The following PDE10A variants were observed in gnomAD, a reference collection of about 807,000 sequenced individuals.
PDE10A encodes phosphodiesterase 10A, also known as cAMP and cAMP-inhibited cGMP 3',5'-cyclic phosphodiesterase 10A.
PDE10A carries 39 observed loss-of-function variants against 97.7 expected under a neutral mutation model. The observed-to-expected ratio is 0.40, with a 90% CI of 0.31 to 0.52. PDE10A has a LOEUF of 0.52. Ranked by LOEUF, PDE10A falls within the 20% of genes least tolerant of loss-of-function variation. The pLI, the probability that PDE10A is intolerant of heterozygous loss-of-function variation, is 0.56. For missense variants in PDE10A, 731 were observed against 1,047.8 expected (o/e 0.70, Z 4.17); for synonymous variants, 371 against 376.8 (o/e 0.98, Z 0.18).
rs76382093 is a variant in PDE10A, at chr6:165,723,817, G to T, written c.-614-180249C>A. Among the ~76,000 whole-genome samples the T allele has an allele frequency of 8.8e-3, 1,341 of 151,696 alleles. 17 individuals carry two copies. Among genetic ancestry groups the T allele is most frequent in the African/African-American group, 0.03 (1,254 of 41,296 alleles). On this transcript the variant is annotated intron_variant, in intron 1 of 19. Transcript: ENST00000366882. ...TAAACATTTTAAAGCCATTTGGGAG[G>T]TATGGGAACAAACGAGAAATAAGAT...
chr6:165,725,036 C>T lies in PDE10A; in HGVS notation c.-614-181468G>A, dbSNP rs185311468. Among the ~76,000 whole-genome samples, 4 of 152,278 alleles carry T rather than the reference C, an allele frequency of 2.6e-5. No homozygotes were observed. The East Asian group carries it at 5.8e-4, about 22-fold the overall frequency. On this transcript the variant is annotated intron_variant, in intron 1 of 19. Coordinates refer to the PDE10A transcript ENST00000366882. ...ATTTCTGTTTTCAGAACGATGTGGA[C>T]GCCGAGGGAAATTTGGCTGAGGGTG...
intron 18 of PDE10A, among the ~76,000 whole-genome samples, chr6:165,373,608 T>C (rs1003582576): frequency 1.3e-4 from 20 of 151,978 alleles, no homozygotes; most frequent in Non-Finnish European, 2.5e-4. Context: ...TATGGAGAAA[T>C]AGGAACACTT....
intron 1 of PDE10A, among the ~76,000 whole-genome samples, chr6:165,742,874 G>A (rs1792760473): frequency 6.6e-6 from 1 of 152,192 alleles, no homozygotes; most frequent in South Asian, 2.1e-4. Context: ...CTGCCCGCTT[G>A]CGTTGTCCAT....
chr6:165,688,486 C>A (rs1026978391), intron 1 of PDE10A, among the ~76,000 whole-genome samples: 38 of 152,176 alleles, frequency 2.5e-4, no homozygotes, highest in Non-Finnish European at 1.0e-4. Flanking sequence ...GGACTTGAAG[C>A]CAGAGTAGGA....
Position 165,819,757 on chromosome 6 carries a change from A to G in PDE10A, c.-615+167772T>C, listed in dbSNP as rs1451370060. Reference sequence around the variant, plus strand: ...GAGCACATTCCGGCCAGGATCTGAAACCTACTGCAGTGCCTACAACAGTGC... The same window carrying G: ...GAGCACATTCCGGCCAGGATCTGAAGCCTACTGCAGTGCCTACAACAGTGC... On this transcript the variant is annotated intron_variant, in intron 1 of 19. Transcript: ENST00000366882. This position sits in a 1 kb window ranked among gnomAD's most constrained non-coding sequence, Gnocchi z 4.2. Among the ~76,000 whole-genome samples, 2 of 152,168 alleles carry G rather than the reference A, an allele frequency of 1.3e-5. No individual in the cohort carries two copies. The highest frequency in any genetic ancestry group is 4.8e-5 in the African/African-American group (2 of 41,440).
chr6:165,641,827 A>G (rs1311798893), intron 1 of PDE10A, among the ~76,000 whole-genome samples: 3 of 152,202 alleles, frequency 2.0e-5, no homozygotes, highest in African/African-American at 7.2e-5. Flanking sequence ...ATAGAAAGCA[A>G]TCTTTGAAAC....
At position 165,526,861 on chromosome 6, in the gene PDE10A, G is replaced by A. The variant is rs115706869; in HGVS notation, c.994+16579C>T. The stretch of plus-strand genomic sequence containing the variant: ...AAAGCCAGCAATATACCTTTACTGT[G>A]TTACCTCAGGAGTATATCACCTCTC... On this transcript the variant is annotated intron_variant, in intron 2 of 21. Transcript: ENST00000539869. 4.9e-3 allele frequency among the ~76,000 whole-genome samples: 750 copies of A among 152,298 alleles called. 4 individuals carry two copies. Among genetic ancestry groups the A allele is most frequent in the African/African-American group, 0.017 (702 of 41,562 alleles).
chr6:165,484,764 T>C (rs1779805099), intron 2 of PDE10A, among the ~76,000 whole-genome samples: 1 of 152,214 alleles, frequency 6.6e-6, no homozygotes, highest in South Asian at 2.1e-4. Context: ...CTGCATCTGG[T>C]GGCAGCTTTA....
chr6:165,699,896 A>G (rs1791527329), intron 1 of PDE10A, among the ~76,000 whole-genome samples: 1 of 152,152 alleles, frequency 6.6e-6, no homozygotes, highest in African/African-American at 2.4e-5. Flanking sequence ...TCTCAAATCA[A>G]TAACCTAACT....
intron 1 of PDE10A, among the ~76,000 whole-genome samples, chr6:165,783,339 T>C (rs566470869): frequency 1.3e-5 from 2 of 152,342 alleles, no homozygotes; most frequent in South Asian, 2.1e-4. Flanking sequence ...TAAGATACAG[T>C]CTTTTAAAGG....
chr6:165,809,948 G>T (rs1397832191), intron 1 of PDE10A, among the ~76,000 whole-genome samples: 1 of 152,116 alleles, frequency 6.6e-6, no homozygotes, highest in East Asian at 1.9e-4. Flanking sequence ...TGATAAATTC[G>T]CTCTGTGCAA....
chr6:165,912,293 G>A (rs1378563823), intron 1 of PDE10A, among the ~76,000 whole-genome samples: 1 of 151,924 alleles, frequency 6.6e-6, no homozygotes, highest in South Asian at 2.1e-4. Context: ...GACCTCACTG[G>A]TTATGGTTCA....
chr6:165,935,343 A>C (rs2128491547), intron 1 of PDE10A, among the ~76,000 whole-genome samples: 1 of 152,376 alleles, frequency 6.6e-6, no homozygotes, highest in South Asian at 2.1e-4. Flanking sequence ...AAGAACTGGA[A>C]GTCTGTGCAC....
intron 1 of PDE10A, among the ~76,000 whole-genome samples, chr6:165,739,924 C>T (rs1437342489): frequency 6.6e-6 from 1 of 152,102 alleles, no homozygotes; most frequent in African/African-American, 2.4e-5. Context: ...TATCATCCCA[C>T]CCATTAATAG....
upstream of PDE10A, among the ~76,000 whole-genome samples, chr6:165,663,292 C>T (rs889564112): frequency 5.9e-5 from 9 of 151,978 alleles, no homozygotes; most frequent in African/African-American, 2.2e-4. Context: ...CCTTCCGCGC[C>T]CACGTAGCGC....
At chr6:165,872,268 GTT>G (rs1781224264) in intron 1 of PDE10A, among the ~76,000 whole-genome samples, 1 of 152,200 alleles carries the variant, frequency 6.6e-6, no homozygotes, top group Non-Finnish European at 1.5e-5. Context: ...CAAATAAAAC[GTT>G]TTTAAGTCAG....
intron 1 of PDE10A, among the ~76,000 whole-genome samples, chr6:165,849,247 C>T (rs1253717009): frequency 3.9e-5 from 6 of 152,104 alleles, no homozygotes; most frequent in Non-Finnish European, 5.9e-5. Flanking sequence ...ATAACACATT[C>T]GGAACTAGTA....
chr6:165,760,107 T>C (rs563640760), intron 1 of PDE10A, among the ~76,000 whole-genome samples: 1 of 152,324 alleles, frequency 6.6e-6, no homozygotes, highest in East Asian at 1.9e-4. Flanking sequence ...TCTCCAGAAA[T>C]AATTGTTTTC....
At chr6:165,687,024 G>A (rs1309632529) in intron 1 of PDE10A, among the ~76,000 whole-genome samples, 1 of 152,250 alleles carries the variant, frequency 6.6e-6, no homozygotes, top group Non-Finnish European at 1.5e-5. Flanking sequence ...TGTTCAGATC[G>A]CTCTGCAGAA....
Sources: gnomAD v4.1 joint callset for allele counts (sites outside exome capture counted in the v4.1 genomes callset) on GRCh38, gnomAD v4.1.1 for gene constraint, Gnocchi (gnomAD v3.1) non-coding constraint, MANE v1.5 for transcripts, NCBI Gene and HGNC (gene_info 2026-07-23, HGNC 2026-07-21) for gene names.